GALNT1: variants seen among roughly 807,000 people sequenced by gnomAD.
The protein encoded by GALNT1 is GalNAc transferase 1.
GALNT1 carries 17 observed loss-of-function variants against 65.7 expected under a neutral mutation model. The ratio of observed to expected loss-of-function variants is 0.26; its 90% CI spans 0.18 to 0.39. The LOEUF (loss-of-function observed/expected upper bound fraction) is 0.39, where lower values mean the gene tolerates loss of function less well. GALNT1 is among the 10% of genes least tolerant of loss of function. GALNT1 has a pLI of 1.00. For missense variants in GALNT1, 460 were observed against 672.8 expected (o/e 0.68, Z 3.50); for synonymous variants, 210 against 219.7 (o/e 0.96, Z 0.39).
intron 1 of GALNT1, among the ~76,000 whole-genome samples, chr18:35,627,044 G>T (rs544378755): frequency 3.5e-4 from 53 of 152,286 alleles, no homozygotes; most frequent in African/African-American, 1.3e-3. Flanking sequence ...TTCAGTTGGA[G>T]GTCAAATGCA....
chr18:35,656,219 AGACTT>A (rs1378738900), intron 2 of GALNT1, among the ~76,000 whole-genome samples: 2 of 152,336 alleles, frequency 1.3e-5, no homozygotes, highest in East Asian at 1.9e-4. Context: ...TTAAATGTAA[AGACTT>A]GACAGTGAGA....
In GALNT1 at chr18:35,687,060, C is replaced by T; in HGVS notation, c.734C>T (p.Thr245Ile). The T allele has an allele frequency of 6.2e-7, 1 of 1,613,824 alleles. No homozygotes were observed. Among genetic ancestry groups the T allele is most frequent in the South Asian group, 1.1e-5 (1 of 91,054 alleles). ...CPIIDVISDD[T>I]FEYMAGSDMT... ...ATCATCGATGTGATCAGTGATGATA[C>T]TTTTGAGTACATGGCAGGCTCTGAT... Residue 245 changes from threonine to isoleucine, a missense_variant, in exon 6 of 12, where the codon ACT (threonine) becomes ATT (isoleucine). Physicochemically the swap from Thr to Ile is moderately conservative, Grantham distance 89. Transcript: ENST00000269195.
At chr18:35,641,993 A>G (rs1315064264) in intron 1 of GALNT1, among the ~76,000 whole-genome samples, 1 of 152,256 alleles carries the variant, frequency 6.6e-6, no homozygotes, top group Non-Finnish European at 1.5e-5. Context: ...ATATTGTCAC[A>G]TTCATTTATG....
intron 1 of GALNT1, among the ~76,000 whole-genome samples, chr18:35,633,926 A>T (rs150627312): frequency 3.2e-4 from 48 of 152,300 alleles, no homozygotes; most frequent in Middle Eastern, 6.8e-3. Flanking sequence ...GCTTGAACTT[A>T]ACCCAGTAAT....
chr18:35,590,797 G>A (rs2046434459), intron 1 of GALNT1, among the ~76,000 whole-genome samples: 1 of 152,102 alleles, frequency 6.6e-6, no homozygotes, highest in East Asian at 1.9e-4. Flanking sequence ...TGTAAAAAAA[G>A]GTAGGAAGGC....
At chr18:35,602,061 G>C (rs956387006) in intron 1 of GALNT1, among the ~76,000 whole-genome samples, 2 of 152,194 alleles carry the variant, frequency 1.3e-5, no homozygotes, top group African/African-American at 4.8e-5. Flanking sequence ...GTCAGGTCTA[G>C]CAGTGGTAAA....
intron 1 of GALNT1, among the ~76,000 whole-genome samples, chr18:35,584,899 G>A (rs1196259822): frequency 6.6e-6 from 1 of 152,210 alleles, no homozygotes; most frequent in Non-Finnish European, 1.5e-5. Flanking sequence ...CCACAGACTG[G>A]TACTGGTTCA....
chr18:35,585,527 A>G (rs1249473784), intron 1 of GALNT1, among the ~76,000 whole-genome samples: 3 of 152,202 alleles, frequency 2.0e-5, no homozygotes, highest in Non-Finnish European at 4.4e-5. Context: ...AAGCTATAGT[A>G]CAATTTCCAG....
chr18:35,586,976 C>T (rs1299906595), intron 1 of GALNT1, among the ~76,000 whole-genome samples: 1 of 152,164 alleles, frequency 6.6e-6, no homozygotes, highest in African/African-American at 2.4e-5. Flanking sequence ...CACAGGTTGT[C>T]TCTCCATTTA....
rs116345966 is a variant in GALNT1 at position 35,607,342 on chromosome 18, G to A, written c.-104+25480G>A. On this transcript the variant is annotated intron_variant, in intron 1 of 11. Transcript: ENST00000269195. Reference sequence around the variant, plus strand: ...TGAGAGACACTAATCCTTCTGCTGGGGTCCTTGGTGGGGCCTTGTGTTCTG... The same window carrying A: ...TGAGAGACACTAATCCTTCTGCTGGAGTCCTTGGTGGGGCCTTGTGTTCTG... Among the ~76,000 whole-genome samples the A allele has an allele frequency of 2.8e-3, 433 of 152,216 alleles. 1 individual carries two copies. The highest frequency in any genetic ancestry group is 9.7e-3 in the African/African-American group (401 of 41,532).
At chr18:35,663,991 A>G (rs2047511141) in intron 3 of GALNT1, 189 bp downstream of exon 3, 8 of 534,060 alleles carry the variant, frequency 1.5e-5, no homozygotes, top group Admixed American at 1.2e-4. Flanking sequence ...TATTAGCACT[A>G]TGTATTTCAG....
intron 1 of GALNT1, among the ~76,000 whole-genome samples, chr18:35,602,372 T>A (rs2046592774): frequency 6.6e-6 from 1 of 152,186 alleles, no homozygotes; most frequent in Admixed American, 6.5e-5. Flanking sequence ...TTTGGTGATC[T>A]CTGACCTTCC....
At chr18:35,649,759 G>C (rs958337976) in intron 1 of GALNT1, among the ~76,000 whole-genome samples, 3 of 152,106 alleles carry the variant, frequency 2.0e-5, no homozygotes, top group African/African-American at 7.2e-5. Context: ...TATAGGATAT[G>C]GGCCAATATT....
intron 1 of GALNT1, among the ~76,000 whole-genome samples, chr18:35,626,866 C>T (rs1386562769): frequency 6.6e-6 from 1 of 152,216 alleles, no homozygotes; most frequent in African/African-American, 2.4e-5. Flanking sequence ...GTTTCTCCTT[C>T]AACATCTCTA....
At position 35,637,417 on chromosome 18, in the gene GALNT1, T is replaced by C. The variant is rs558808743; in HGVS notation, c.-103-17143T>C. ...ATGATAAGAAAGCAGAACAGCTTTA[T>C]TGCTGACAAGACAGTTTTAGTAGTC... On this transcript the variant is annotated intron_variant, in intron 1 of 11. Transcript: ENST00000269195. Among the ~76,000 whole-genome samples the C allele has an allele frequency of 2.6e-5, 4 of 152,344 alleles. No individual in the cohort carries two copies. In the South Asian group the frequency reaches 8.3e-4, roughly 32 times the overall value.
intron 1 of GALNT1, among the ~76,000 whole-genome samples, chr18:35,601,790 T>A (rs958836680): frequency 6.6e-6 from 1 of 152,194 alleles, no homozygotes; most frequent in Admixed American, 6.5e-5. Context: ...TCAGTAAATG[T>A]GAGTTAGGTC....
rs562141239 is a variant in GALNT1, at chr18:35,706,480, C to T, written c.1533+2837C>T. ...CCGCGCCACTGCACTCCAGCCTGGG[C>T]GACAGAGTGAGACTCCATCTCAAAA... is the stretch of plus-strand genomic sequence containing the variant. On this transcript the variant is annotated intron_variant, in intron 11 of 11. Transcript: ENST00000269195. Among the ~76,000 whole-genome samples the T allele has an allele frequency of 1.1e-4, 16 of 151,854 alleles. No individual in the cohort carries two copies. In the East Asian group the frequency reaches 1.4e-3, roughly 13 times the overall value.
rs117996573 is a variant in GALNT1 at position 35,650,226 on chromosome 18, C to T, written c.-103-4334C>T. On this transcript the variant is annotated intron_variant, in intron 1 of 11. Transcript: ENST00000269195. The stretch of plus-strand genomic sequence containing the variant: ...GGGGAGACATCACGTCAGCAGGTTC[C>T]GTGATGCCCCCGAGCCGTAAAACCA... Among the ~76,000 whole-genome samples, 869 of 152,108 alleles carry T rather than the reference C, an allele frequency of 5.7e-3. 19 individuals carry two copies. In the East Asian group the frequency reaches 0.065, roughly 11 times the overall value.
intron 1 of GALNT1, among the ~76,000 whole-genome samples, chr18:35,623,314 A>AT (rs970423085): frequency 7.5e-4 from 112 of 149,660 alleles, no homozygotes; most frequent in Admixed American, 1.9e-3. Context: ...CTGTACATAC[A>AT]TTTTTTTTTC....
Sources: allele counts gnomAD v4.1 joint callset (sites outside exome capture counted in the v4.1 genomes callset), GRCh38; gene constraint gnomAD v4.1.1; transcripts MANE v1.5; gene names NCBI Gene and HGNC (gene_info 2026-07-23, HGNC 2026-07-21).